CRTAC1: variants seen among roughly 807,000 people sequenced by gnomAD.
CRTAC1 encodes the protein acidic secreted protein in cartilage.
In CRTAC1, 37 loss-of-function variants were observed where a neutral mutation model predicts 67.8. The observed-to-expected ratio is 0.55, with a 90% CI of 0.42 to 0.72. The LOEUF is 0.72. Among genes scored for constraint, CRTAC1 ranks in the 30% least tolerant of loss-of-function variants. CRTAC1 has a pLI of 0.00. For synonymous variants in CRTAC1, 348 were observed against 371.0 expected (o/e 0.94, Z 0.71); for missense variants, 780 against 931.6 (o/e 0.84, Z 2.12).
rs574142892 is a variant in CRTAC1 at position 97,959,677 on chromosome 10, C to T, written c.225-23311G>A. On this transcript the variant is annotated intron_variant, in intron 2 of 14. Coordinates refer to ENST00000370597, the MANE Select transcript of CRTAC1 (RefSeq NM_018058.7). Reference sequence around the variant, plus strand: ...CATGTGGTTATGCTGTCCAACTCACCGCCACTGGGCCATAGGTAAGGCGGA... The same window carrying T: ...CATGTGGTTATGCTGTCCAACTCACTGCCACTGGGCCATAGGTAAGGCGGA... Among the ~76,000 whole-genome samples, 22 of 152,318 alleles carry T rather than the reference C, an allele frequency of 1.4e-4. 1 individual carries two copies. The highest frequency in any genetic ancestry group is 6.5e-4 in the Admixed American group (10 of 15,306).
chr10:97,959,454 G>T (rs992148497), intron 2 of CRTAC1, among the ~76,000 whole-genome samples: 1 of 152,184 alleles, frequency 6.6e-6, no homozygotes, highest in Non-Finnish European at 1.5e-5. Flanking sequence ...TTCATTCCTT[G>T]TCTATAAGGA....
At chr10:97,892,754 T>G (rs761076824) in intron 11 of CRTAC1, among the ~76,000 whole-genome samples, 1 of 152,238 alleles carries the variant, frequency 6.6e-6, no homozygotes, top group Non-Finnish European at 1.5e-5. Context: ...ATTTAAAAGG[T>G]ATCTTGTGCC....
intron 1 of CRTAC1, among the ~76,000 whole-genome samples, chr10:98,026,840 C>T (rs1439940140): frequency 6.6e-6 from 1 of 152,096 alleles, no homozygotes; most frequent in Non-Finnish European, 1.5e-5. Context: ...CAAGGAGAAC[C>T]AGGAGGAAGT....
intron 2 of CRTAC1, among the ~76,000 whole-genome samples, chr10:97,954,760 T>C (rs2051414868): frequency 1.3e-5 from 2 of 152,186 alleles, no homozygotes; most frequent in Non-Finnish European, 2.9e-5. Flanking sequence ...AGGCTAGAAG[T>C]CTGAAATCAA....
chr10:97,983,255 C>T (rs1208591866), intron 2 of CRTAC1, among the ~76,000 whole-genome samples: 4 of 151,822 alleles, frequency 2.6e-5, no homozygotes, highest in East Asian at 1.9e-4. Context: ...AGAAGTCATC[C>T]CACTCACCCA....
rs73328581 is a variant in CRTAC1, at chr10:97,888,881, G to T, written c.1487-4530C>A. Among the ~76,000 whole-genome samples the T allele has an allele frequency of 4.0e-3, 605 of 152,282 alleles. 12 individuals are homozygous for T. Among genetic ancestry groups the T allele is most frequent in the African/African-American group, 0.014 (583 of 41,558 alleles). The stretch of plus-strand genomic sequence containing the variant: ...CTTTTAAAGGACAGAGGCCAAGGAG[G>T]CAGAGAGAATTGCACTTTTCAGAAG... On this transcript the variant is annotated intron_variant, in intron 11 of 14. Coordinates refer to ENST00000370597, the MANE Select transcript of CRTAC1 (RefSeq NM_018058.7).
Position 98,029,527 on chromosome 10 carries a change from G to GGCGGCGGCA in CRTAC1, c.24+921_24+922insTGCCGCCGC, listed in dbSNP as rs1554938506. 3.1e-5 allele frequency among the ~76,000 whole-genome samples: 4 copies of GGCGGCGGCA among 131,110 alleles called. No homozygotes were observed. Among genetic ancestry groups the GGCGGCGGCA allele is most frequent in the Non-Finnish European group, 4.5e-5 (3 of 66,864 alleles). 86.0% of individuals were successfully genotyped at this position (131,110 alleles called of 152,430 possible). A position where few individuals can be genotyped will look rare whatever the true frequency, so the allele number is the denominator to read the frequency against. On this transcript the variant is annotated intron_variant, in intron 1 of 14. Transcript: ENST00000370597. This position sits in a 1 kb window ranked among gnomAD's most constrained non-coding sequence, Gnocchi z 4.7. ...CGGCGGCGGCGGCGGCGGCGGCGGC[G>GGCGGCGGCA]GCAGCAGCAGCAATATTCATTAGTC...
intron 12 of CRTAC1, among the ~76,000 whole-genome samples, chr10:97,883,461 A>G (rs540931182): frequency 2.6e-5 from 4 of 152,302 alleles, no homozygotes; most frequent in Non-Finnish European, 4.4e-5. Context: ...TAAAAACGTA[A>G]CACACATGAC....
intron 11 of CRTAC1, among the ~76,000 whole-genome samples, chr10:97,892,307 C>A (rs1457454120): frequency 6.6e-6 from 1 of 152,202 alleles, no homozygotes; most frequent in Admixed American, 6.5e-5. Context: ...GAATCTCAGC[C>A]CCCATTCTGC....
chr10:97,895,481 A>G lies in CRTAC1; in HGVS notation c.1318-68T>C. ...TGGTGGGTGGGAAGAGCAGGGAGCC[A>G]GGGAGGACGGGAGGGGGAGAGGGAG... is the stretch of plus-strand genomic sequence containing the variant. On this transcript the variant is annotated intron_variant, in intron 10 of 14. Transcript: ENST00000370597. This position sits in a 1 kb window ranked among gnomAD's most constrained non-coding sequence, Gnocchi z 4.2. The G allele has an allele frequency of 7.0e-7, 1 of 1,423,348 alleles. No individual in the cohort carries two copies. Among genetic ancestry groups the G allele is most frequent in the Non-Finnish European group, 9.5e-7 (1 of 1,053,588 alleles). The allele number at this position is 1,423,348 out of a possible 1,614,324, so 88.2% of individuals were successfully genotyped here. A position where few individuals can be genotyped will look rare whatever the true frequency, so the allele number is the denominator to read the frequency against.
At chr10:97,908,204 A>G in intron 5 of CRTAC1, 57 bp from the exon 6 acceptor site, 1 of 1,598,456 alleles carries the variant, frequency 6.3e-7, no homozygotes, top group South Asian at 1.1e-5. Flanking sequence ...GCCCACCTGG[A>G]GGACAGGGCT....
At chr10:97,883,070 A>G (rs551470555) in intron 12 of CRTAC1, among the ~76,000 whole-genome samples, 1 of 152,328 alleles carries the variant, frequency 6.6e-6, no homozygotes, top group East Asian at 1.9e-4. Flanking sequence ...TGTGCAAAGG[A>G]TCCACACGAG....
At chr10:97,888,210 C>T (rs11189419) in intron 11 of CRTAC1, among the ~76,000 whole-genome samples, 2 of 152,170 alleles carry the variant, frequency 1.3e-5, no homozygotes, top group Non-Finnish European at 2.9e-5. Flanking sequence ...CTCATGATTC[C>T]CATGGGAGCG....
chr10:97,921,616 C>T (rs1390955415), intron 4 of CRTAC1, among the ~76,000 whole-genome samples: 1 of 152,180 alleles, frequency 6.6e-6, no homozygotes, highest in Non-Finnish European at 1.5e-5. Context: ...GAGGTGTTGG[C>T]TGTTACTGTT....
At chr10:97,949,346 C>A (rs1039330843) in intron 2 of CRTAC1, among the ~76,000 whole-genome samples, 2 of 152,294 alleles carry the variant, frequency 1.3e-5, no homozygotes, top group African/African-American at 4.8e-5. Context: ...AGGAGGGGAG[C>A]AATCTGTGCA....
chr10:97,876,372 G>A (rs368918199), intron 14 of CRTAC1, among the ~76,000 whole-genome samples: 10 of 152,300 alleles, frequency 6.6e-5, no homozygotes, highest in Admixed American at 5.9e-4. Context: ...ACCCAGACAC[G>A]CCAAGCCCAC....
At chr10:97,892,140 C>A (rs1267862358) in intron 11 of CRTAC1, among the ~76,000 whole-genome samples, 2 of 152,182 alleles carry the variant, frequency 1.3e-5, no homozygotes, top group Non-Finnish European at 2.9e-5. Context: ...GGCTCTTGAG[C>A]CTCCTTCTCC....
intron 5 of CRTAC1, among the ~76,000 whole-genome samples, chr10:97,916,635 G>A (rs2050762544): frequency 6.6e-6 from 1 of 152,184 alleles, no homozygotes; most frequent in African/African-American, 2.4e-5. Context: ...CTGCCACTTT[G>A]GAAGCCTCTG....
intron 14 of CRTAC1, among the ~76,000 whole-genome samples, chr10:97,873,553 T>C (rs893255665): frequency 6.6e-6 from 1 of 152,178 alleles, no homozygotes; most frequent in Non-Finnish European, 1.5e-5. Flanking sequence ...GGAAAGAGGA[T>C]GTGCTTTTTT....
Sources: allele counts gnomAD v4.1 joint callset (sites outside exome capture counted in the v4.1 genomes callset), GRCh38; gene constraint gnomAD v4.1.1; non-coding constraint Gnocchi (gnomAD v3.1); transcripts MANE v1.5; gene names NCBI Gene and HGNC (gene_info 2026-07-23, HGNC 2026-07-21).